The following HKDC1 variants were observed in gnomAD, a reference collection of about 807,000 sequenced individuals.
HKDC1 encodes hexokinase HKDC1.
A neutral mutation model predicts 96.6 loss-of-function variants in HKDC1; 66 were observed. That is an observed-to-expected ratio of 0.68 (90% CI 0.56 to 0.84). HKDC1 has a LOEUF of 0.84. Ranked by LOEUF, HKDC1 falls within the 40% of genes least tolerant of loss-of-function variation. The pLI is 0.00. For synonymous variants in HKDC1, 466 were observed against 473.1 expected, an observed-to-expected ratio of 0.98 and a Z score of 0.20; for missense variants, 1,211 against 1,208.1, an observed-to-expected ratio of 1.00 and a Z score of -0.04.
chr10:69,236,652 T>C (rs1233724620), intron 4 of HKDC1, among the ~76,000 whole-genome samples: 2 of 151,650 alleles, frequency 1.3e-5, no homozygotes, highest in Non-Finnish European at 2.9e-5. Context: ...TGGTGGCACA[T>C]GCCTGTAATC....
At chr10:69,243,437 C>A in intron 7 of HKDC1, 72 bp downstream of exon 7, 1 of 1,330,556 alleles carries the variant, frequency 7.5e-7, no homozygotes, top group Non-Finnish European at 1.0e-6. Context: ...CCCTGGCTAC[C>A]TGGGAGGCTT....
rs941906138 is a variant in HKDC1, at chr10:69,228,889, G to A, written c.226+1520G>A. Among the ~76,000 whole-genome samples, 4 of 125,936 alleles carry A rather than the reference G, an allele frequency of 3.2e-5. No homozygotes were observed. The South Asian group carries it at 9.0e-4, about 28-fold the overall frequency. The allele number at this position is 125,936 out of a possible 152,430, so 82.6% of individuals were successfully genotyped here. A position where few individuals can be genotyped will look rare whatever the true frequency, so the allele number is the denominator to read the frequency against. On this transcript the variant is annotated intron_variant, in intron 2 of 17. Transcript: ENST00000354624. The stretch of plus-strand genomic sequence containing the variant: ...AAAAAAGAAAGAAAGAAAGGAAGAA[G>A]AAAGAAAGAAAGAAAGAGAGAGAAA...
Position 69,261,176 on chromosome 10 carries a change from A to T in HKDC1, c.2254A>T (p.Ile752Phe). 6.2e-7 allele frequency: 1 copy of T among 1,613,938 alleles called. No individual in the cohort carries two copies. Among genetic ancestry groups the T allele is most frequent in the South Asian group, 1.1e-5 (1 of 91,066 alleles). ...GACCAGTGGGATGTACTTGGGGGAGATTGTGCGGCAGATCCTGATCGACCT... is the reference window on the plus strand; with the variant it reads ...GACCAGTGGGATGTACTTGGGGGAGTTTGTGCGGCAGATCCTGATCGACCT... ...KMTSGMYLGE[I>F]VRQILIDLTK... Residue 752 changes from isoleucine to phenylalanine, a missense_variant, in exon 16 of 18, where the codon ATT becomes TTT. Ile to Phe is a conservative substitution (Grantham distance 21). Coordinates refer to ENST00000354624, the MANE Select transcript of HKDC1 (RefSeq NM_025130.4).
chr10:69,266,773 G>A lies in HKDC1; in HGVS notation c.*16G>A. On this transcript the variant is annotated 3_prime_UTR_variant, in exon 18 of 18. Transcript: ENST00000354624. ...GGAGAACTAGGAACCCCTGGGATTG[G>A]ACCTGATGCATCTTGGATACTGAAC... 6.2e-7 allele frequency: 1 copy of A among 1,608,936 alleles called. No individual in the cohort carries two copies. The highest frequency in any genetic ancestry group is 8.5e-7 in the Non-Finnish European group (1 of 1,178,120).
rs1486318032 is a variant in HKDC1 at position 69,239,126 on chromosome 10, A to G, written c.580A>G (p.Arg194Gly). ...DVVSRLTKAM[R>G]RHKDMDVDIL... Reference sequence around the variant, plus strand: ...GGTGAGCCGTCTGACCAAAGCCATGAGAAGACACAAGGTGAGGAATTCACC... The same window carrying G: ...GGTGAGCCGTCTGACCAAAGCCATGGGAAGACACAAGGTGAGGAATTCACC... Residue 194 changes from arginine (R) to glycine (G), a missense_variant, in exon 5 of 18, where the codon AGA becomes GGA. Coordinates refer to ENST00000354624, the MANE Select transcript of HKDC1 (RefSeq NM_025130.4). The G allele has an allele frequency of 1.2e-6, 2 of 1,613,410 alleles. No individual in the cohort carries two copies. Among genetic ancestry groups the G allele is most frequent in the Non-Finnish European group, 1.7e-6 (2 of 1,179,542 alleles).
At chr10:69,228,511 T>G (rs1843197860) in intron 2 of HKDC1, among the ~76,000 whole-genome samples, 4 of 152,068 alleles carry the variant, frequency 2.6e-5, no homozygotes, top group Admixed American at 2.6e-4. Flanking sequence ...GTAGATAGGA[T>G]CTATGAGGTC....
chr10:69,239,697 C>A (rs1027473728), intron 5 of HKDC1, among the ~76,000 whole-genome samples: 2 of 151,912 alleles, frequency 1.3e-5, no homozygotes, highest in African/African-American at 2.4e-5. Flanking sequence ...AGCCTTCCAG[C>A]CTTTTTTTCT....
intron 17 of HKDC1, 119 bp from the exon 18 acceptor site, chr10:69,266,491 G>T: frequency 8.8e-6 from 9 of 1,024,546 alleles, no homozygotes; most frequent in Non-Finnish European, 1.1e-5. Context: ...AGAAGAAGCT[G>T]TTTAGAGCCT....
chr10:69,233,074 A>G lies in HKDC1; in HGVS notation c.436A>G (p.Lys146Glu). The G allele has an allele frequency of 6.2e-7, 1 of 1,614,182 alleles. No homozygotes were observed. The highest frequency in any genetic ancestry group is 8.5e-7 in the Non-Finnish European group (1 of 1,180,038). ...CATGAAGACCAAAGATTTAAAGCAT[A>G]AGAAATTGCCCCTTGGCCTAACTTT... is the stretch of plus-strand genomic sequence containing the variant. Reference protein sequence around the residue: ...DFMKTKDLKHKKLPLGLTFSF... With the variant: ...DFMKTKDLKHEKLPLGLTFSF... The change falls in exon 4 of 18, where the codon AAG becomes GAG. Residue 146 changes from lysine to glutamate, a missense_variant. Lys to Glu is a moderately conservative substitution (Grantham distance 56). Coordinates refer to ENST00000354624, the MANE Select transcript of HKDC1 (RefSeq NM_025130.4).
At chr10:69,241,855 G>A (rs1211988074) in intron 6 of HKDC1, among the ~76,000 whole-genome samples, 3 of 152,172 alleles carry the variant, frequency 2.0e-5, no homozygotes, top group Non-Finnish European at 4.4e-5. Flanking sequence ...AAGAGTGGAA[G>A]CAGGGTGACC....
intron 16 of HKDC1, among the ~76,000 whole-genome samples, chr10:69,262,940 TA>T (rs760820423): frequency 2.6e-4 from 40 of 151,486 alleles, no homozygotes; most frequent in Non-Finnish European, 5.5e-4. Flanking sequence ...TTTTCCGTAA[TA>T]AAAGAAAAGT....
chr10:69,235,421 G>GAAAC (rs140573620), intron 4 of HKDC1, among the ~76,000 whole-genome samples: 17 of 148,154 alleles, frequency 1.1e-4, no homozygotes, highest in African/African-American at 2.8e-4. Flanking sequence ...GACTCTGTCA[G>GAAAC]AAACAAACAA....
chr10:69,253,109 T>C (rs1843669848), intron 12 of HKDC1, among the ~76,000 whole-genome samples: 1 of 152,004 alleles, frequency 6.6e-6, no homozygotes, highest in Non-Finnish European at 1.5e-5. Flanking sequence ...GGAAGGTCAG[T>C]ATTGTGTGTT....
chr10:69,232,522 G>T, intron 2 of HKDC1: 1 of 541,666 alleles, frequency 1.8e-6, no homozygotes, highest in Non-Finnish European at 3.3e-6. Flanking sequence ...CATTCCTACA[G>T]CATGAGCCAG....
At chr10:69,226,375 G>A (rs1843155225) in intron 1 of HKDC1, among the ~76,000 whole-genome samples, 1 of 152,136 alleles carries the variant, frequency 6.6e-6, no homozygotes, top group Admixed American at 6.5e-5. Context: ...GGCTGGGTGA[G>A]GTGGCTCACG....
intron 4 of HKDC1, among the ~76,000 whole-genome samples, chr10:69,234,765 C>G (rs1427154418): frequency 6.6e-6 from 1 of 152,242 alleles, no homozygotes; most frequent in East Asian, 1.9e-4. Context: ...GCAAGCAGTG[C>G]CCGCCAAGGG....
At chr10:69,243,973 A>G (rs1373379743) in intron 7 of HKDC1, among the ~76,000 whole-genome samples, 1 of 151,994 alleles carries the variant, frequency 6.6e-6, no homozygotes, top group East Asian at 1.9e-4. Flanking sequence ...AGATAAGAGC[A>G]CTCGGACGCT....
intron 7 of HKDC1, among the ~76,000 whole-genome samples, chr10:69,243,797 C>T (rs1200281361): frequency 6.6e-6 from 1 of 152,132 alleles, no homozygotes; most frequent in Non-Finnish European, 1.5e-5. Context: ...ATGCATGGCC[C>T]CATTACAACA....
rs1564726743 is a variant in HKDC1 at position 69,232,920 on chromosome 10, G to A, written c.375+8G>A. The A allele has an allele frequency of 6.2e-7, 1 of 1,612,126 alleles. No homozygotes were observed. The stretch of plus-strand genomic sequence containing the variant: ...CGCGGGAACGGCACAGAGGTACCTG[G>A]CAGGTGGCTCCTGTGACCGCAGGGA... On this transcript the variant is annotated splice_region_variant and intron_variant, in intron 3 of 17. Transcript: ENST00000354624.
Sources: allele counts gnomAD v4.1 joint callset (sites outside exome capture counted in the v4.1 genomes callset), GRCh38; gene constraint gnomAD v4.1.1; transcripts MANE v1.5; gene names NCBI Gene and HGNC (gene_info 2026-07-23, HGNC 2026-07-21).